FBXL7: variants seen among roughly 807,000 people sequenced by gnomAD.
The protein encoded by FBXL7 is F-box and leucine rich repeat protein 7.
FBXL7 carries 12 observed loss-of-function variants against 38.3 expected under a neutral mutation model. The ratio of observed to expected loss-of-function variants is 0.31; its 90% confidence interval spans 0.20 to 0.51. The LOEUF is 0.51. Among genes scored for constraint, FBXL7 ranks in the 20% least tolerant of loss-of-function variants. The pLI is 0.98. For synonymous variants in FBXL7, 297 were observed against 300.9 expected (o/e 0.99, Z 0.13); for missense variants, 567 against 676.4 (o/e 0.84, Z 1.79).
chr5:15,693,738 G>C (rs1278349373), intron 2 of FBXL7, among the ~76,000 whole-genome samples: 1 of 152,192 alleles, frequency 6.6e-6, no homozygotes, highest in Non-Finnish European at 1.5e-5. Flanking sequence ...GCCATCAGTG[G>C]TGGAACGACG....
chr5:15,601,614 C>T (rs1392960509), intron 1 of FBXL7, among the ~76,000 whole-genome samples: 1 of 152,156 alleles, frequency 6.6e-6, no homozygotes, highest in Non-Finnish European at 1.5e-5. Context: ...GCTGGGGTGC[C>T]AAGTGCCTGC....
intron 2 of FBXL7, among the ~76,000 whole-genome samples, chr5:15,660,432 C>T (rs190431501): frequency 3.9e-5 from 6 of 152,356 alleles, no homozygotes; most frequent in Admixed American, 3.3e-4. Flanking sequence ...TCTCGGCTCA[C>T]TGCAACCTTC....
At chr5:15,706,839 G>A (rs779635377) in intron 2 of FBXL7, among the ~76,000 whole-genome samples, 1 of 152,162 alleles carries the variant, frequency 6.6e-6, no homozygotes. Flanking sequence ...GGGTGGAGAA[G>A]CATGGATGCT....
chr5:15,577,208 C>A (rs546705811), intron 1 of FBXL7, among the ~76,000 whole-genome samples: 1 of 152,256 alleles, frequency 6.6e-6, no homozygotes, highest in African/African-American at 2.4e-5. Context: ...AGCTGTGTCC[C>A]TTCCTGAGAA....
chr5:15,707,174 G>GTTTTTTTTTTTTTT (rs71603796), intron 2 of FBXL7, among the ~76,000 whole-genome samples: 9 of 70,392 alleles, frequency 1.3e-4, no homozygotes, highest in East Asian at 4.9e-4. Flanking sequence ...TTTTCTTTTC[G>GTTTTTTTTTTTTTT]TTTTTTTTTT....
At chr5:15,560,651 G>C (rs1197748298) in intron 1 of FBXL7, among the ~76,000 whole-genome samples, 1 of 152,100 alleles carries the variant, frequency 6.6e-6, no homozygotes, top group Non-Finnish European at 1.5e-5. Flanking sequence ...ATGCAAAACT[G>C]TATGCCCGTG....
chr5:15,519,202 G>T (rs1737028854), intron 1 of FBXL7, among the ~76,000 whole-genome samples: 2 of 152,030 alleles, frequency 1.3e-5, no homozygotes, highest in Non-Finnish European at 2.9e-5. Context: ...AAATTAGCTG[G>T]GTGTGGTGGC....
intron 1 of FBXL7, among the ~76,000 whole-genome samples, chr5:15,552,262 C>T (rs1445546722): frequency 1.3e-5 from 2 of 152,138 alleles, no homozygotes; most frequent in African/African-American, 4.8e-5. Flanking sequence ...ATACTTTTAT[C>T]CTCTGGTCCA....
chr5:15,674,473 T>A (rs1579367737), intron 2 of FBXL7, among the ~76,000 whole-genome samples: 1 of 152,210 alleles, frequency 6.6e-6, no homozygotes, highest in Non-Finnish European at 1.5e-5. Context: ...TAAATTAACA[T>A]AGCAGATCCA....
At chr5:15,858,825 C>T (rs548459621) in intron 2 of FBXL7, among the ~76,000 whole-genome samples, 1 of 152,090 alleles carries the variant, frequency 6.6e-6, no homozygotes, top group African/African-American at 2.4e-5. Context: ...TTTCCACTTA[C>T]TATACTCATG....
At chr5:15,775,907 C>A (rs1736846057) in intron 2 of FBXL7, among the ~76,000 whole-genome samples, 1 of 152,106 alleles carries the variant, frequency 6.6e-6, no homozygotes, top group Non-Finnish European at 1.5e-5. Flanking sequence ...ACAGGTACAA[C>A]TATAATCTGA....
chr5:15,917,678 GAAGGAAGGAAGGAAGGAAGAAAGA>G (rs1297974943), intron 2 of FBXL7, among the ~76,000 whole-genome samples: 167 of 94,406 alleles, frequency 1.8e-3, no homozygotes, highest in African/African-American at 5.5e-3. Flanking sequence ...AGGAAGGAAG[GAAGGAAGGAAGGAAGGAAGAAAGA>G]AAGGAAGGAA....
intron 1 of FBXL7, among the ~76,000 whole-genome samples, chr5:15,532,959 A>G (rs1737471490): frequency 6.6e-6 from 1 of 152,192 alleles, no homozygotes. Context: ...ATGTGGTTGA[A>G]TGGTGAGTGG....
At chr5:15,859,874 T>C (rs1739403223) in intron 2 of FBXL7, among the ~76,000 whole-genome samples, 1 of 152,178 alleles carries the variant, frequency 6.6e-6, no homozygotes, top group Non-Finnish European at 1.5e-5. Context: ...GATATAAAAA[T>C]TTGAATACGT....
chr5:15,839,072 A>G (rs1387139323), intron 2 of FBXL7, among the ~76,000 whole-genome samples: 4 of 144,462 alleles, frequency 2.8e-5, no homozygotes, highest in African/African-American at 7.6e-5. Flanking sequence ...CACTTTACCC[A>G]TTTTTCTGTT....
intron 1 of FBXL7, among the ~76,000 whole-genome samples, chr5:15,502,813 G>C (rs1424583622): frequency 4.6e-5 from 7 of 152,184 alleles, no homozygotes; most frequent in Non-Finnish European, 2.9e-5. Context: ...AGGTGTGGCA[G>C]TGCCATCTTT....
intron 2 of FBXL7, among the ~76,000 whole-genome samples, chr5:15,778,103 A>G (rs1736903792): frequency 6.6e-6 from 1 of 152,112 alleles, no homozygotes; most frequent in African/African-American, 2.4e-5. Context: ...TTTATACCTC[A>G]TTAATGGGAA....
intron 2 of FBXL7, among the ~76,000 whole-genome samples, chr5:15,685,684 T>C (rs1421710817): frequency 2.0e-5 from 3 of 152,302 alleles, no homozygotes; most frequent in Admixed American, 2.0e-4. Context: ...TATAACTTTA[T>C]GCCACTTCAC....
chr5:15,606,021 T>G, intron 1 of FBXL7, among the ~76,000 whole-genome samples: 1 of 152,204 alleles, frequency 6.6e-6, no homozygotes. Flanking sequence ...AATTTTTATC[T>G]GTCAATTAAT....
Sources: allele counts gnomAD v4.1 joint callset (sites outside exome capture counted in the v4.1 genomes callset), GRCh38; gene constraint gnomAD v4.1.1; transcripts MANE v1.5; gene names NCBI Gene and HGNC (gene_info 2026-07-23, HGNC 2026-07-21).